GPT2: variants seen among roughly 807,000 people sequenced by gnomAD.
The protein encoded by GPT2 is alanine aminotransferase 2.
A neutral mutation model predicts 56.9 loss-of-function variants in GPT2; 30 were observed. The ratio of observed to expected loss-of-function variants is 0.53; its 90% CI spans 0.39 to 0.72. The LOEUF (loss-of-function observed/expected upper bound fraction) is 0.72. Among genes scored for constraint, GPT2 ranks in the 30% least tolerant of loss-of-function variants. The pLI, the probability that GPT2 is intolerant of heterozygous loss-of-function variation, is 0.00. For missense variants in GPT2, 542 were observed against 703.4 expected (o/e 0.77, Z 2.60); for synonymous variants, 271 against 283.1 (o/e 0.96, Z 0.43).
At chr16:46,910,380 CAAAAAAAAAAAAAA>C (rs4039999) in intron 6 of GPT2, among the ~76,000 whole-genome samples, 2 of 46,476 alleles carry the variant, frequency 4.3e-5, no homozygotes, top group African/African-American at 2.1e-4. Context: ...GACTCTGTCT[CAAAAAAAAAAAAAA>C]AAAAAAAAAA....
At chr16:46,912,735 C>G (rs971935804) in intron 6 of GPT2, among the ~76,000 whole-genome samples, 4 of 152,132 alleles carry the variant, frequency 2.6e-5, no homozygotes, top group African/African-American at 9.7e-5. Context: ...AGAGCAGGAA[C>G]AAGAGAGAGA....
chr16:46,927,126 A>G (rs554165466), intron 11 of GPT2, 89 bp downstream of exon 11: 8 of 780,234 alleles, frequency 1.0e-5, no homozygotes, highest in South Asian at 2.0e-5. Flanking sequence ...ACTACTTCAA[A>G]GAGAGAGGTG....
At chr16:46,919,336 GCGTCCCACGGAGAACAGT>G (rs1220618341) in intron 8 of GPT2, among the ~76,000 whole-genome samples, 57 of 152,348 alleles carry the variant, frequency 3.7e-4, no homozygotes, top group Admixed American at 1.4e-3. Context: ...AGTAAATCGT[GCGTCCCACGGAGAACAGT>G]CATTAGGAGA....
chr16:46,900,395 C>A (rs879273147), intron 3 of GPT2, among the ~76,000 whole-genome samples: 1 of 152,152 alleles, frequency 6.6e-6, no homozygotes, highest in Non-Finnish European at 1.5e-5. Flanking sequence ...CTGTCCCTAG[C>A]GGAAGAGCTT....
intron 9 of GPT2, chr16:46,923,800 C>T (rs559405225): frequency 1.6e-5 from 3 of 192,860 alleles, no homozygotes; most frequent in African/African-American, 7.0e-5. Flanking sequence ...CGCTGGTCCC[C>T]CCCAGATGCA....
At chr16:46,907,297 G>A (rs1960950019) in intron 5 of GPT2, among the ~76,000 whole-genome samples, 1 of 152,220 alleles carries the variant, frequency 6.6e-6, no homozygotes, top group Non-Finnish European at 1.5e-5. Context: ...GTGCTGGGGA[G>A]ACAATGGGAA....
intron 2 of GPT2, among the ~76,000 whole-genome samples, chr16:46,887,788 G>T (rs1960512994): frequency 6.6e-6 from 1 of 152,168 alleles, no homozygotes; most frequent in African/African-American, 2.4e-5. Flanking sequence ...TTTGACTTTG[G>T]GTGGCTGGCC....
At chr16:46,889,631 T>C (rs1960549686) in intron 2 of GPT2, among the ~76,000 whole-genome samples, 1 of 152,186 alleles carries the variant, frequency 6.6e-6, no homozygotes, top group Non-Finnish European at 1.5e-5. Context: ...CCCAAGTCAG[T>C]CACCACACAT....
At chr16:46,892,422 G>GATTT (rs1960602971) in intron 2 of GPT2, among the ~76,000 whole-genome samples, 1 of 152,168 alleles carries the variant, frequency 6.6e-6, no homozygotes, top group Non-Finnish European at 1.5e-5. Flanking sequence ...TCAAGACAAT[G>GATTT]ATTTCATTTC....
chr16:46,928,516 G>GTCC (rs1961463319), intron 11 of GPT2, among the ~76,000 whole-genome samples: 1 of 151,858 alleles, frequency 6.6e-6, no homozygotes, highest in South Asian at 2.1e-4. Flanking sequence ...CCAGCTACTC[G>GTCC]GGAGGCTGAG....
intron 4 of GPT2, among the ~76,000 whole-genome samples, chr16:46,904,738 T>C (rs1293748163): frequency 2.0e-5 from 3 of 152,018 alleles, no homozygotes; most frequent in Non-Finnish European, 4.4e-5. Context: ...GGTGGGGCAT[T>C]GAAAAGGGGT....
chr16:46,918,488 C>T, intron 7 of GPT2, 133 bp from the exon 8 acceptor site: 1 of 1,020,456 alleles, frequency 9.8e-7, no homozygotes, highest in East Asian at 2.4e-5. Flanking sequence ...TGGCTCATCC[C>T]TGGAATGGCA....
At position 46,886,488 on chromosome 16, in the gene GPT2, A is replaced by C. The variant is rs149549292; in HGVS notation, c.243+1530A>C. Among the ~76,000 whole-genome samples the C allele has an allele frequency of 3.1e-3, 479 of 152,312 alleles. 1 individual carries two copies. The highest frequency in any genetic ancestry group is 6.0e-3 in the Non-Finnish European group (408 of 68,024). ...AATCTGACTGCCACGTTGTTCTCTG[A>C]GCCTGAGTCCCCTTCCCCGGATTCT... On this transcript the variant is annotated intron_variant, in intron 2 of 11. Transcript: ENST00000340124.
At chr16:46,910,146 C>T (rs1381703374) in intron 6 of GPT2, among the ~76,000 whole-genome samples, 1 of 151,940 alleles carries the variant, frequency 6.6e-6, no homozygotes, top group Non-Finnish European at 1.5e-5. Context: ...TTTGGGAGGC[C>T]GAGGCAGATG....
At chr16:46,916,496 C>T (rs1229842247) in intron 6 of GPT2, 132 bp from the exon 7 acceptor site, 6 of 717,998 alleles carry the variant, frequency 8.4e-6, no homozygotes, top group Non-Finnish European at 1.5e-5. Context: ...GGGAGGGGGG[C>T]CTCTGCGGGG....
intron 6 of GPT2, 95 bp from the exon 7 acceptor site, chr16:46,916,533 C>A: frequency 1.1e-6 from 1 of 907,980 alleles, no homozygotes; most frequent in Non-Finnish European, 1.9e-6. Flanking sequence ...CTCAAGGGAA[C>A]ACAGGGCACT....
At chr16:46,927,842 A>G (rs9936696) in intron 11 of GPT2, among the ~76,000 whole-genome samples, 1 of 152,082 alleles carries the variant, frequency 6.6e-6, no homozygotes, top group Non-Finnish European at 1.5e-5. Context: ...CAGGAAGGCC[A>G]GGGAGCATTT....
At chr16:46,891,600 C>T (rs1456547296) in intron 2 of GPT2, among the ~76,000 whole-genome samples, 2 of 151,606 alleles carry the variant, frequency 1.3e-5, no homozygotes, top group African/African-American at 2.4e-5. Flanking sequence ...CCGCCTGTCT[C>T]GGCCTCCCAA....
At position 46,894,223 on chromosome 16, in the gene GPT2, A is replaced by G. The variant is rs567255768; in HGVS notation, c.244-3425A>G. Among the ~76,000 whole-genome samples, 78 of 152,296 alleles carry G rather than the reference A, an allele frequency of 5.1e-4. No homozygotes were observed. In the Middle Eastern group the frequency reaches 0.01, roughly 20 times the overall value. On this transcript the variant is annotated intron_variant, in intron 2 of 11. Coordinates refer to ENST00000340124, the MANE Select transcript of GPT2 (RefSeq NM_133443.4). ...GAGCAGTGCGGGGGGAGGGCACGGG[A>G]AAGGAACATTCAGGGCTCTGTTCCA...
Sources: gnomAD v4.1 joint callset for allele counts (sites outside exome capture counted in the v4.1 genomes callset) on GRCh38, gnomAD v4.1.1 for gene constraint, MANE v1.5 for transcripts, NCBI Gene and HGNC (gene_info 2026-07-23, HGNC 2026-07-21) for gene names.